Variants in GCH1 observed in about 807,000 individuals in gnomAD.
GCH1 encodes GTP cyclohydrolase I.
GCH1 carries 5 observed loss-of-function variants against 25.9 expected under a neutral mutation model. The observed-to-expected ratio is 0.19, with a 90% CI of 0.10 to 0.41. GCH1 has a LOEUF of 0.41. Among genes scored for constraint, GCH1 ranks in the 10% least tolerant of loss-of-function variants. The pLI, the probability that GCH1 is intolerant of heterozygous loss-of-function variation, is 1.00. For missense variants in GCH1, 261 were observed against 336.5 expected (o/e 0.78, Z 1.75); for synonymous variants, 159 against 129.6 (o/e 1.23, Z -1.54).
Position 54,843,645 on chromosome 14 carries a change from G to A in GCH1, c.*372C>T. ...GGAGGAAGAAAAAAAACAGTATACTGGGCACAGTTCCCTCTCATTCCCAAT... is the reference window on the plus strand; with the variant it reads ...GGAGGAAGAAAAAAAACAGTATACTAGGCACAGTTCCCTCTCATTCCCAAT... On this transcript the variant is annotated 3_prime_UTR_variant, in exon 6 of 6. Transcript: ENST00000491895. 2 of 1,542,802 alleles carry A rather than the reference G, an allele frequency of 1.3e-6. No homozygotes were observed. The highest frequency in any genetic ancestry group is 2.2e-5 in the Admixed American group (1 of 45,904).
intron 1 of GCH1, among the ~76,000 whole-genome samples, chr14:54,897,826 C>G (rs1224561031): frequency 6.6e-6 from 1 of 152,162 alleles, no homozygotes; most frequent in Admixed American, 6.5e-5. Flanking sequence ...CAAGACCATC[C>G]AACGTAAAGC....
At chr14:54,883,180 T>C (rs1161340369) in intron 1 of GCH1, among the ~76,000 whole-genome samples, 2 of 150,538 alleles carry the variant, frequency 1.3e-5, no homozygotes, top group African/African-American at 4.9e-5. Flanking sequence ...GAGACCAGCC[T>C]GGCCAACATG....
intron 4 of GCH1, among the ~76,000 whole-genome samples, 173 bp from the exon 5 acceptor site, chr14:54,846,025 C>T (rs371430647): frequency 1.3e-5 from 2 of 152,290 alleles, no homozygotes; most frequent in Admixed American, 6.5e-5. Context: ...CAGAGAGGCC[C>T]GGATTCAACT....
chr14:54,846,847 G>A (rs943306459), intron 4 of GCH1, among the ~76,000 whole-genome samples: 2 of 152,142 alleles, frequency 1.3e-5, no homozygotes, highest in African/African-American at 2.4e-5. Context: ...GATCACCTGA[G>A]GTCGGAAGTT....
chr14:54,847,024 T>G (rs2039652873), intron 4 of GCH1, 75 bp downstream of exon 4: 1 of 614,412 alleles, frequency 1.6e-6, no homozygotes, highest in East Asian at 3.3e-5. Context: ...AGCAAGACTC[T>G]GTCTCAAAAA....
Position 54,844,004 on chromosome 14 carries a change from C to A in GCH1, c.*13G>T, listed in dbSNP as rs934780914. Reference sequence around the variant, plus strand: ...GTACGATCGGCAACCAACGCACACACACTGAATGAAGCTCAGCTCCTAATG... The same window carrying A: ...GTACGATCGGCAACCAACGCACACAAACTGAATGAAGCTCAGCTCCTAATG... On this transcript the variant is annotated 3_prime_UTR_variant, in exon 6 of 6. Transcript: ENST00000491895. 14 of 1,614,080 alleles carry A rather than the reference C, an allele frequency of 8.7e-6. No homozygotes were observed. Among genetic ancestry groups the A allele is most frequent in the Non-Finnish European group, 1.2e-5 (14 of 1,180,022 alleles).
intron 3 of GCH1, among the ~76,000 whole-genome samples, chr14:54,850,564 G>T (rs1286093620): frequency 6.6e-6 from 1 of 152,004 alleles, no homozygotes; most frequent in Non-Finnish European, 1.5e-5. Context: ...ATGTATGTAA[G>T]TGCCACGTTG....
chr14:54,883,514 CTAAAAATACAA>C (rs2040303534), intron 1 of GCH1, among the ~76,000 whole-genome samples: 1 of 151,482 alleles, frequency 6.6e-6, no homozygotes, highest in Admixed American at 6.6e-5. Context: ...TCCGTCTCTA[CTAAAAATACAA>C]AAAATTAGCT....
intron 3 of GCH1, among the ~76,000 whole-genome samples, chr14:54,859,035 TCAG>T (rs1424772165): frequency 2.6e-5 from 4 of 152,134 alleles, no homozygotes; most frequent in Non-Finnish European, 4.4e-5. Flanking sequence ...GAACACTGTA[TCAG>T]AATAAAGCTG....
rs113211390 is a variant in GCH1, at chr14:54,842,841, G to C, written c.*1176C>G. 411 of 416,542 alleles carry C rather than the reference G, an allele frequency of 9.9e-4. 2 individuals carry two copies. Among genetic ancestry groups the C allele is most frequent in the African/African-American group, 6.6e-3 (321 of 48,890 alleles). 25.8% of individuals were successfully genotyped at this position (416,542 alleles called of 1,614,324 possible). ...ATCATTAATAAGGCAACAGCTTCCA[G>C]GATTAAAATACCTATACCATCTATA... is the stretch of plus-strand genomic sequence containing the variant. On this transcript the variant is annotated 3_prime_UTR_variant, in exon 6 of 6. Transcript: ENST00000491895.
chr14:54,895,112 A>T (rs1407705637), intron 1 of GCH1, among the ~76,000 whole-genome samples: 2 of 152,248 alleles, frequency 1.3e-5, no homozygotes, highest in Admixed American at 1.3e-4. Flanking sequence ...TGATTGCTAC[A>T]TTTCAGTATG....
rs1325579301 is a variant in GCH1 at position 54,862,495 on chromosome 14, A to G, written c.454-2759T>C. 2.8e-5 allele frequency among the ~76,000 whole-genome samples: 4 copies of G among 142,742 alleles called. No individual in the cohort carries two copies. The Admixed American group carries it at 2.8e-4, about 10-fold the overall frequency. The allele number at this position is 142,742 out of a possible 152,430, so 93.6% of individuals were successfully genotyped here. A position where few individuals can be genotyped will look rare whatever the true frequency, so the allele number is the denominator to read the frequency against. On this transcript the variant is annotated intron_variant, in intron 2 of 5. Coordinates refer to ENST00000491895, the MANE Select transcript of GCH1 (RefSeq NM_000161.3). ...CCTCCTGGGTTCAAGCGATTCTCCA[A>G]CCTCACCCTCCCGAGTAGCTGAGAC...
intron 3 of GCH1, 74 bp downstream of exon 3, chr14:54,859,607 A>G: frequency 1.2e-6 from 1 of 843,848 alleles, no homozygotes; most frequent in Non-Finnish European, 2.1e-6. Context: ...AGAAAGCCTG[A>G]TGAGATAGAT....
At position 54,851,343 on chromosome 14, in the gene GCH1, A is replaced by G. The variant is rs534802525; in HGVS notation, c.510-4213T>C. ...ACTTCATGACTAAAACACCAAAAGC[A>G]ATGGCAACAAAAGCCAAAATTGACA... is the stretch of plus-strand genomic sequence containing the variant. On this transcript the variant is annotated intron_variant, in intron 3 of 5. Coordinates refer to ENST00000491895, the MANE Select transcript of GCH1 (RefSeq NM_000161.3). Among the ~76,000 whole-genome samples the G allele has an allele frequency of 2.7e-3, 418 of 152,332 alleles. 2 individuals carry two copies. The highest frequency in any genetic ancestry group is 3.3e-3 in the Non-Finnish European group (222 of 68,022).
At chr14:54,897,063 G>A (rs1196816330) in intron 1 of GCH1, among the ~76,000 whole-genome samples, 31 of 129,552 alleles carry the variant, frequency 2.4e-4, no homozygotes, top group African/African-American at 8.9e-4. Flanking sequence ...AGGCTGGAGT[G>A]CAGTGGCACA....
chr14:54,871,963 C>G (rs1321812340), intron 1 of GCH1, among the ~76,000 whole-genome samples: 1 of 152,090 alleles, frequency 6.6e-6, no homozygotes, highest in Non-Finnish European at 1.5e-5. Context: ...TCTAGCAAGG[C>G]AGGCCAACAT....
intron 4 of GCH1, among the ~76,000 whole-genome samples, chr14:54,846,244 T>C (rs1279267627): frequency 6.6e-6 from 1 of 152,258 alleles, no homozygotes; most frequent in Non-Finnish European, 1.5e-5. Flanking sequence ...AGTCCAATTA[T>C]TGAATTGTGC....
In GCH1 at chr14:54,869,770, G is replaced by A. The variant is rs572181944; in HGVS notation, c.344-4334C>T. ...GCTGGGATTACAGGCGTGAGCCACC[G>A]TGCCTGGCCCAATAAAAAGTTTTCT... is the stretch of plus-strand genomic sequence containing the variant. On this transcript the variant is annotated intron_variant, in intron 1 of 5. Coordinates refer to ENST00000491895, the MANE Select transcript of GCH1 (RefSeq NM_000161.3). 6.6e-5 allele frequency among the ~76,000 whole-genome samples: 10 copies of A among 152,296 alleles called. No individual in the cohort carries two copies. In the East Asian group the frequency reaches 7.7e-4, roughly 12 times the overall value.
At chr14:54,860,362 C>A (rs1356642721) in intron 2 of GCH1, among the ~76,000 whole-genome samples, 1 of 152,050 alleles carries the variant, frequency 6.6e-6, no homozygotes, top group South Asian at 2.1e-4. Context: ...GGAAAGCCTC[C>A]TTTAAATGGC....
Sources: allele counts gnomAD v4.1 joint callset (sites outside exome capture counted in the v4.1 genomes callset), GRCh38; gene constraint gnomAD v4.1.1; transcripts MANE v1.5; gene names NCBI Gene and HGNC (gene_info 2026-07-23, HGNC 2026-07-21).